The following GPATCH1 variants were observed in gnomAD, a reference collection of about 807,000 sequenced individuals.
The protein encoded by GPATCH1 is G-patch domain containing 1.
A neutral mutation model predicts 114.9 loss-of-function variants in GPATCH1; 73 were observed. The observed-to-expected ratio is 0.64, with a 90% CI of 0.53 to 0.77. The LOEUF (loss-of-function observed/expected upper bound fraction) is 0.77, where lower values mean the gene tolerates loss of function less well. GPATCH1 is among the 30% of genes least tolerant of loss of function. The probability of loss-of-function intolerance (pLI) is 0.00; values close to 1 mark genes in which losing one functional copy is unlikely to be tolerated. For missense variants in GPATCH1, 1,058 were observed against 1,144.3 expected (o/e 0.92, Z 1.09); for synonymous variants, 391 against 428.4 (o/e 0.91, Z 1.08).
At chr19:33,097,696 T>C (rs1381071644) in intron 7 of GPATCH1, 59 bp from the exon 8 acceptor site, 2 of 1,510,104 alleles carry the variant, frequency 1.3e-6, no homozygotes, top group African/African-American at 2.8e-5. Context: ...GCTTTATCCC[T>C]GAAGATCCCA....
At chr19:33,082,697 C>A (rs532414369) in intron 1 of GPATCH1, among the ~76,000 whole-genome samples, 1 of 152,080 alleles carries the variant, frequency 6.6e-6, no homozygotes, top group South Asian at 2.1e-4. Context: ...AACAAACAAA[C>A]GAAACAAAAG....
At chr19:33,127,482 C>A (rs1973055113) in intron 19 of GPATCH1, among the ~76,000 whole-genome samples, 1 of 150,968 alleles carries the variant, frequency 6.6e-6, no homozygotes, top group Non-Finnish European at 1.5e-5. Flanking sequence ...TGCCACTGCC[C>A]TCCAGCCTGG....
At chr19:33,098,890 T>G (rs1009766851) in intron 8 of GPATCH1, among the ~76,000 whole-genome samples, 3 of 152,024 alleles carry the variant, frequency 2.0e-5, no homozygotes, top group Non-Finnish European at 2.9e-5. Flanking sequence ...GGGCTGCTAG[T>G]ACTTACTTCC....
Position 33,095,820 on chromosome 19 carries a change from G to C in GPATCH1, c.612G>C (p.Glu204Asp). The C allele has an allele frequency of 6.3e-7, 1 of 1,597,514 alleles. No individual in the cohort carries two copies. The highest frequency in any genetic ancestry group is 2.2e-5 in the East Asian group (1 of 44,790). The change falls in exon 6 of 20, where the codon GAG (glutamate) becomes GAC (aspartate). Residue 204 changes from glutamate to aspartate, a missense_variant and splice_region_variant. Physicochemically the swap from Glu to Asp is conservative, Grantham distance 45. Around this residue, in one of 3 missense-constraint regions of GPATCH1, gnomAD observed 893 missense variants for 977.4 expected, o/e 0.91. Transcript: ENST00000170564. ...CCCCTGGAAGCTCGGAAGGATCTGA[G>C]GTATTGCATGGTGTGACTGACCTTC... is the stretch of plus-strand genomic sequence containing the variant. ...ALPPGSSEGS[E>D]GEDDDYLPDN...
intron 19 of GPATCH1, among the ~76,000 whole-genome samples, 164 bp from the exon 20 acceptor site, chr19:33,129,966 A>G (rs925002278): frequency 7.5e-5 from 11 of 146,584 alleles, no homozygotes; most frequent in Non-Finnish European, 1.6e-4. Flanking sequence ...AAAAAAAAGC[A>G]CAGATTAGGC....
intron 8 of GPATCH1, among the ~76,000 whole-genome samples, chr19:33,098,564 T>TGTAAAGTGA (rs1213156904): frequency 6.6e-6 from 1 of 152,192 alleles, no homozygotes; most frequent in Non-Finnish European, 1.5e-5. Context: ...GACCTGGGTT[T>TGTAAAGTGA]GGATGCCAGC....
Position 33,125,131 on chromosome 19 carries a change from C to G in GPATCH1, c.2548C>G (p.Gln850Glu). 6.2e-7 allele frequency: 1 copy of G among 1,600,966 alleles called. No individual in the cohort carries two copies. The highest frequency in any genetic ancestry group is 1.1e-5 in the South Asian group (1 of 88,938). The change falls in exon 18 of 20, where the codon CAA (glutamine) becomes GAA (glutamate). Residue 850 changes from glutamine to glutamate, a missense_variant. By Grantham distance (29) the Gln-to-Glu change is conservative. This residue lies in a region of GPATCH1 where 893 missense variants were observed against 977.4 expected (regional missense o/e 0.91). Transcript: ENST00000170564. ...PNARQTLEVP[Q>E]KEKHKKNKDK... ...TGCTCGTCAGACACTTGAGGTTCCT[C>G]AAAAAGAGAAACATAAAAAGAACAA...
chr19:33,111,455 C>T (rs1175162039), intron 11 of GPATCH1, among the ~76,000 whole-genome samples: 1 of 151,326 alleles, frequency 6.6e-6, no homozygotes, highest in African/African-American at 2.4e-5. Flanking sequence ...GAACTCCTGA[C>T]CTCAAGTGAC....
At chr19:33,092,107 C>T (rs571992447) in intron 3 of GPATCH1, among the ~76,000 whole-genome samples, 37 of 151,478 alleles carry the variant, frequency 2.4e-4, no homozygotes, top group Non-Finnish European at 4.4e-4. Flanking sequence ...AGTGCAGTGG[C>T]GCTATCTCGG....
intron 8 of GPATCH1, among the ~76,000 whole-genome samples, chr19:33,099,501 C>G (rs555892341): frequency 1.1e-3 from 161 of 152,174 alleles, no homozygotes; most frequent in African/African-American, 3.1e-3. Context: ...TCTCTCCCCC[C>G]CTGCAGGGTC....
intron 15 of GPATCH1, 88 bp from the exon 16 acceptor site, chr19:33,117,737 T>G: frequency 1.1e-6 from 1 of 884,028 alleles, no homozygotes; most frequent in Non-Finnish European, 1.9e-6. Context: ...TAAACATAAA[T>G]ATGTGTGTCT....
chr19:33,119,697 C>CAA (rs34270215), intron 17 of GPATCH1, among the ~76,000 whole-genome samples: 33 of 128,570 alleles, frequency 2.6e-4, no homozygotes, highest in Middle Eastern at 4.1e-3. Flanking sequence ...GACTCTGCCT[C>CAA]AAAAAAAAAA....
At chr19:33,083,456 G>A (rs1396735398) in intron 1 of GPATCH1, among the ~76,000 whole-genome samples, 4 of 149,450 alleles carry the variant, frequency 2.7e-5, no homozygotes, top group Non-Finnish European at 5.9e-5. Context: ...GTGCAGTGGC[G>A]CGATCTCGGC....
rs1024958928 is a variant in GPATCH1, at chr19:33,114,551, T to A, written c.2196+132T>A. The A allele has an allele frequency of 8.6e-6, 6 of 698,766 alleles. No homozygotes were observed. The African/African-American group carries it at 9.2e-5, about 11-fold the overall frequency. The allele number at this position is 698,766 out of a possible 1,614,324, so 43.3% of individuals were successfully genotyped here. On this transcript the variant is annotated intron_variant, in intron 15 of 19. Transcript: ENST00000170564. ...GATCCATTTCCCCTTAAAGGCCATT[T>A]GGCTTGTTTCTAACTTTTGGCTATA...
chr19:33,096,997 G>A (rs1972668529), intron 7 of GPATCH1, among the ~76,000 whole-genome samples: 1 of 148,780 alleles, frequency 6.7e-6, no homozygotes, highest in African/African-American at 2.5e-5. Context: ...CCAGGCTGGA[G>A]TGCAATGGCG....
intron 5 of GPATCH1, among the ~76,000 whole-genome samples, chr19:33,095,194 C>T (rs1238708159): frequency 6.6e-6 from 1 of 151,730 alleles, no homozygotes; most frequent in African/African-American, 2.4e-5. Flanking sequence ...ATCTTCCTCT[C>T]ACCGTAATGC....
chr19:33,112,498 G>C lies in GPATCH1; in HGVS notation c.1777G>C (p.Asp593His). The C allele has an allele frequency of 6.2e-7, 1 of 1,614,078 alleles. No individual in the cohort carries two copies. The highest frequency in any genetic ancestry group is 8.5e-7 in the Non-Finnish European group (1 of 1,179,996). ...TGTCTTTTTCCAGAATGATGTCGGG[G>C]ATAAGCAGTCGGCTGTGAAGATGAA... ...VPRDQENDVG[D>H]KQSAVKMKMF... is the part of the protein sequence containing the mutation. Residue 593 changes from aspartate to histidine, a missense_variant, in exon 13 of 20, where the codon GAT (aspartate) becomes CAT (histidine). Around this residue, in one of 3 missense-constraint regions of GPATCH1, gnomAD observed 893 missense variants for 977.4 expected, o/e 0.91. Transcript: ENST00000170564.
At chr19:33,083,163 G>C (rs1972497866) in intron 1 of GPATCH1, among the ~76,000 whole-genome samples, 1 of 147,808 alleles carries the variant, frequency 6.8e-6, no homozygotes, top group African/African-American at 2.5e-5. Context: ...AGAATGGCGT[G>C]AGACTGGGAG....
chr19:33,099,006 C>T (rs939429077), intron 8 of GPATCH1, among the ~76,000 whole-genome samples: 2 of 150,194 alleles, frequency 1.3e-5, no homozygotes, highest in African/African-American at 4.9e-5. Context: ...TGTCCCCAAA[C>T]TATGGATTAT....
Sources: allele counts gnomAD v4.1 joint callset (sites outside exome capture counted in the v4.1 genomes callset), GRCh38; gene constraint gnomAD v4.1.1; regional missense constraint gnomAD v4.1.1; transcripts MANE v1.5; gene names NCBI Gene and HGNC (gene_info 2026-07-23, HGNC 2026-07-21).